Variants in ZBBX observed in about 807,000 individuals in gnomAD.
The protein encoded by ZBBX is zinc finger B-box domain containing.
Under a neutral mutation model 108.5 loss-of-function variants are expected in ZBBX, and 101 were observed. That is an observed-to-expected ratio of 0.93 (90% CI 0.79 to 1.10). The LOEUF (loss-of-function observed/expected upper bound fraction) is 1.10. ZBBX is among the 50% of genes least tolerant of loss of function. The pLI, the probability that ZBBX is intolerant of heterozygous loss-of-function variation, is 0.00. For missense variants in ZBBX, 1,009 were observed against 941.4 expected (o/e 1.07, Z -0.94); for synonymous variants, 356 against 323.4 (o/e 1.10, Z -1.08).
chr3:167,282,414 G>A lies in ZBBX; in HGVS notation c.2078C>T (p.Ser693Phe). 6.2e-7 allele frequency: 1 copy of A among 1,614,136 alleles called. No individual in the cohort carries two copies. Among genetic ancestry groups the A allele is most frequent in the Non-Finnish European group, 8.5e-7 (1 of 1,179,996 alleles). The change falls in exon 20 of 22, where the codon TCT becomes TTT. Residue 693 changes from serine to phenylalanine, a missense_variant. Ser to Phe is a radical substitution (Grantham distance 155, BLOSUM62 -2). Transcript: ENST00000675490. ...AGCTGCACTTCTTGATCGAGGATGA[G>A]AGGATGAAAGGCAACTGGAGCTTTC... ...VKESSSCLSS[S>F]HPRSRSAAAQ...
chr3:167,222,477 G>C, the ZBBX span, among the ~76,000 whole-genome samples: 4 of 151,500 alleles, frequency 2.6e-5, no homozygotes, highest in Admixed American at 2.0e-4. Context: ...AAAATAGTTA[G>C]GTACATTACG....
chr3:167,352,358 T>G (rs1187418132), intron 8 of ZBBX, among the ~76,000 whole-genome samples: 1 of 152,094 alleles, frequency 6.6e-6, no homozygotes, highest in Admixed American at 6.5e-5. Context: ...TATGAGCATC[T>G]CCACACACAA....
chr3:167,325,478 C>A (rs1421040435), intron 11 of ZBBX, among the ~76,000 whole-genome samples: 6 of 152,106 alleles, frequency 3.9e-5, no homozygotes, highest in African/African-American at 1.4e-4. Context: ...TACCTCTCGC[C>A]GGGGCCCTCC....
chr3:167,356,955 A>G (rs902789664), intron 8 of ZBBX, among the ~76,000 whole-genome samples: 1 of 152,180 alleles, frequency 6.6e-6, no homozygotes, highest in Non-Finnish European at 1.5e-5. Flanking sequence ...GTGAGGGAAG[A>G]CTATTTATTG....
intron 10 of ZBBX, among the ~76,000 whole-genome samples, chr3:167,330,876 GAAGAAGA>G (rs1738410626): frequency 2.6e-5 from 3 of 113,260 alleles, no homozygotes; most frequent in Admixed American, 9.2e-5. Flanking sequence ...AGGAGGAGAA[GAAGAAGA>G]AGAAGAAGAA....
At position 167,282,477 on chromosome 3, in the gene ZBBX, G is replaced by A. The variant is rs768737985; in HGVS notation, c.2015C>T (p.Pro672Leu). Reference sequence around the variant, plus strand: ...GGAAAGTGGAAAATTTGCTGTTGAAGGTCTCTGTGATTTCTGACCTAAAAT... The same window carrying A: ...GGAAAGTGGAAAATTTGCTGTTGAAAGTCTCTGTGATTTCTGACCTAAAAT... Reference protein sequence around the residue: ...QQKMGQKSQRPSTANFPLSNS... With the variant: ...QQKMGQKSQRLSTANFPLSNS... The change falls in exon 20 of 22, where the codon CCT becomes CTT. Residue 672 changes from proline (P) to leucine (L), a missense_variant. Physicochemically the swap from Pro to Leu is moderately conservative, Grantham distance 98 (BLOSUM62 -3). Transcript: ENST00000675490. 1.2e-6 allele frequency: 2 copies of A among 1,608,258 alleles called. No individual in the cohort carries two copies. The highest frequency in any genetic ancestry group is 2.2e-5 in the East Asian group (1 of 44,828).
At chr3:167,406,045 C>A (rs1049838083) in intron 1 of ZBBX, among the ~76,000 whole-genome samples, 1 of 152,078 alleles carries the variant, frequency 6.6e-6, no homozygotes, top group Non-Finnish European at 1.5e-5. Context: ...GCCTGGGTTG[C>A]AAGGGCAAGA....
chr3:167,191,158 C>T, the ZBBX span, among the ~76,000 whole-genome samples: 4 of 152,164 alleles, frequency 2.6e-5, no homozygotes, highest in Non-Finnish European at 5.9e-5. Context: ...GGGGAAATCC[C>T]AAACAGGTTT....
At chr3:167,299,544 C>A (rs1372845372) in intron 17 of ZBBX, among the ~76,000 whole-genome samples, 4 of 152,030 alleles carry the variant, frequency 2.6e-5, no homozygotes, top group Non-Finnish European at 5.9e-5. Flanking sequence ...GTTTTGTCTA[C>A]TTTTAGCACA....
rs539103850 is a variant in ZBBX, at chr3:167,363,506, T to TCA, written c.273+2378_273+2379dup. Reference sequence around the variant, plus strand: ...TGTTTTTTCTTCCACCTTTCTTGTCTCACACACACACAAAAAATATGTCTT... The same window carrying TCA: ...TGTTTTTTCTTCCACCTTTCTTGTCTCACACACACACACAAAAAATATGTCTT... On this transcript the variant is annotated intron_variant, in intron 6 of 21. Coordinates refer to ENST00000675490, the MANE Select transcript of ZBBX (RefSeq NM_001199201.2). Among the ~76,000 whole-genome samples, 39 of 152,104 alleles carry TCA rather than the reference T, an allele frequency of 2.6e-4. 1 individual carries two copies. The highest frequency in any genetic ancestry group is 9.2e-4 in the African/African-American group (38 of 41,488).
intron 9 of ZBBX, among the ~76,000 whole-genome samples, chr3:167,343,990 G>T (rs1478584959): frequency 2.0e-5 from 3 of 151,806 alleles, no homozygotes; most frequent in Non-Finnish European, 4.4e-5. Flanking sequence ...AATGATGAAT[G>T]AATAAACAAA....
chr3:167,226,863 A>G, the ZBBX span, among the ~76,000 whole-genome samples: 43,731 of 151,492 alleles, frequency 0.29, 7,762 homozygotes, highest in Non-Finnish European at 0.39. Flanking sequence ...GAGAGTATGT[A>G]CTTGCCTTAT....
At chr3:167,354,128 C>G (rs1743137183) in intron 8 of ZBBX, among the ~76,000 whole-genome samples, 1 of 152,022 alleles carries the variant, frequency 6.6e-6, no homozygotes, top group African/African-American at 2.4e-5. Context: ...CTAACACAAA[C>G]CTATTTTATA....
intron 18 of ZBBX, among the ~76,000 whole-genome samples, chr3:167,292,569 A>G (rs997525429): frequency 6.6e-6 from 1 of 152,220 alleles, no homozygotes; most frequent in Non-Finnish European, 1.5e-5. Context: ...AGGGAAATAT[A>G]TAGTACTAAA....
At chr3:167,347,161 C>G (rs773305541) in intron 9 of ZBBX, among the ~76,000 whole-genome samples, 3 of 151,734 alleles carry the variant, frequency 2.0e-5, no homozygotes, top group African/African-American at 4.8e-5. Context: ...GGAGGGAGTA[C>G]GTAGTACAAT....
intron 6 of ZBBX, among the ~76,000 whole-genome samples, chr3:167,362,852 T>C (rs1359546276): frequency 1.3e-5 from 2 of 152,030 alleles, no homozygotes; most frequent in Non-Finnish European, 2.9e-5. Context: ...CATCCACTTA[T>C]TGCTTGTGTC....
upstream of ZBBX, among the ~76,000 whole-genome samples, chr3:167,384,713 T>A (rs1747854407): frequency 6.6e-6 from 1 of 151,996 alleles, no homozygotes; most frequent in South Asian, 2.1e-4. Flanking sequence ...TAGACCAATA[T>A]AAAACCCATA....
At chr3:167,343,257 C>T (rs1197409018) in intron 9 of ZBBX, among the ~76,000 whole-genome samples, 1 of 151,886 alleles carries the variant, frequency 6.6e-6, no homozygotes, top group Non-Finnish European at 1.5e-5. Context: ...TCAGCATAAA[C>T]ATCACAGAAA....
At chr3:167,240,963 G>T in intron 21 of ZBBX, 44 bp from the exon 22 acceptor site, 1 of 1,598,278 alleles carries the variant, frequency 6.3e-7, no homozygotes, top group South Asian at 1.1e-5. Context: ...ACAGAACCGG[G>T]TTTCAACTCT....
Sources: allele counts gnomAD v4.1 joint callset (sites outside exome capture counted in the v4.1 genomes callset), GRCh38; gene constraint gnomAD v4.1.1; transcripts MANE v1.5; gene names NCBI Gene and HGNC (gene_info 2026-07-23, HGNC 2026-07-21).